SULT1C2: variants seen among roughly 807,000 people sequenced by gnomAD.
The protein encoded by SULT1C2 is sulfotransferase 1C2.
Under a neutral mutation model 36.0 loss-of-function variants are expected in SULT1C2, and 27 were observed. That is an observed-to-expected ratio of 0.75 (90% CI 0.55 to 1.03). The LOEUF (loss-of-function observed/expected upper bound fraction) is 1.03, where lower values mean the gene tolerates loss of function less well. Ranked by LOEUF, SULT1C2 falls within the 50% of genes least tolerant of loss-of-function variation. The pLI is 0.00. For missense variants in SULT1C2, 395 were observed against 359.2 expected, an observed-to-expected ratio of 1.10 and a Z score of -0.80; for synonymous variants, 121 against 116.0, an observed-to-expected ratio of 1.04 and a Z score of -0.27.
At chr2:108,301,594 T>TC (rs916904015) in intron 4 of SULT1C2, 2 of 152,240 alleles carry the variant, frequency 1.3e-5, no homozygotes, top group African/African-American at 4.8e-5. Context: ...AAAAAAGTTC[T>TC]CCCCAAAGGG....
intron 3 of SULT1C2, among the ~76,000 whole-genome samples, chr2:108,297,417 T>G (rs1053482043): frequency 6.6e-6 from 1 of 152,048 alleles, no homozygotes; most frequent in African/African-American, 2.4e-5. Flanking sequence ...TGGGGCTGTT[T>G]CTACAGTATT....
At chr2:108,298,793 G>T in intron 3 of SULT1C2, 1 of 208,170 alleles carries the variant, frequency 4.8e-6, no homozygotes, top group South Asian at 5.2e-5. Context: ...CTTGTTCATA[G>T]GGCTTTTCCC....
intron 7 of SULT1C2, among the ~76,000 whole-genome samples, chr2:108,305,885 C>G (rs946604935): frequency 6.6e-6 from 1 of 152,182 alleles, no homozygotes; most frequent in African/African-American, 2.4e-5. Context: ...ACATAGAAAA[C>G]TAGGAAGAGG....
chr2:108,298,571 A>C, intron 3 of SULT1C2: 1 of 254,424 alleles, frequency 3.9e-6, no homozygotes, highest in Non-Finnish European at 7.9e-6. Context: ...TTTTAGAGAC[A>C]GGATTTCACC....
chr2:108,305,574 A>C lies in SULT1C2; in HGVS notation c.757A>C (p.Ile253Leu). The C allele has an allele frequency of 3.7e-6, 6 of 1,614,124 alleles. No homozygotes were observed. Among genetic ancestry groups the C allele is most frequent in the Non-Finnish European group, 4.2e-6 (5 of 1,180,018 alleles). ...TVSKSILDQS[I>L]SSFMRKGTVG... ...TTCCAAATCTATCTTGGACCAGTCA[A>C]TTTCCTCCTTCATGAGAAAAGGTGT... The change falls in exon 7 of 8, where the codon ATT becomes CTT. Residue 253 changes from isoleucine (I) to leucine (L), a missense_variant. By Grantham distance (5) the Ile-to-Leu change is conservative (BLOSUM62 2). Transcript: ENST00000251481.
At chr2:108,296,726 T>C (rs1394708987) in intron 3 of SULT1C2, among the ~76,000 whole-genome samples, 1 of 152,180 alleles carries the variant, frequency 6.6e-6, no homozygotes, top group Non-Finnish European at 1.5e-5. Flanking sequence ...ACTGAGATTA[T>C]AGGCGTAAGC....
intron 7 of SULT1C2, among the ~76,000 whole-genome samples, chr2:108,307,171 C>G (rs931009344): frequency 6.6e-6 from 1 of 152,142 alleles, no homozygotes; most frequent in Non-Finnish European, 1.5e-5. Flanking sequence ...ACCAATGAAA[C>G]AAACCAAAAT....
chr2:108,297,723 T>G (rs1476274691), intron 3 of SULT1C2, among the ~76,000 whole-genome samples: 1 of 152,174 alleles, frequency 6.6e-6, no homozygotes, highest in Non-Finnish European at 1.5e-5. Context: ...GGGGGCAGAA[T>G]GTACAATGTA....
intron 4 of SULT1C2, chr2:108,302,425 T>C (rs1341463515): frequency 2.0e-5 from 3 of 152,218 alleles, no homozygotes; most frequent in East Asian, 1.9e-4. Context: ...GGGTTTGAGA[T>C]TGAAAATTGC....
rs1377259202 is a variant in SULT1C2 at position 108,304,684 on chromosome 2, C to T, written c.486C>T (p.Thr162=). 20 of 1,612,750 alleles carry T rather than the reference C, an allele frequency of 1.2e-5. No homozygotes were observed. Among genetic ancestry groups the T allele is most frequent in the Middle Eastern group, 1.6e-4 (1 of 6,074 alleles). ...GTACCTGGGAAGAGTATTTTGAAAC[C>T]TTCATCAATGGAAAAGGTACGGGAA... ...DPGTWEEYFE[T]FINGKVVWGS... The change falls in exon 5 of 8, where the codon ACC becomes ACT. Residue 162 remains threonine (T), a synonymous_variant. Transcript: ENST00000251481.
chr2:108,293,808 C>T lies in SULT1C2; in HGVS notation c.141C>T (p.Tyr47=), dbSNP rs1290699658. The T allele has an allele frequency of 3.7e-6, 6 of 1,613,806 alleles. No homozygotes were observed. The highest frequency in any genetic ancestry group is 1.7e-4 in the Middle Eastern group (1 of 6,014). ...AKPDDLLICT[Y]PKAGTTWIQE... ...CAGATGATCTCCTCATCTGCACCTA[C>T]CCTAAAGCAGGTGATTGCAGGGTAG... Residue 47 remains tyrosine (Y), a synonymous_variant, in exon 2 of 8, where the codon TAC becomes TAT. Transcript: ENST00000251481.
intron 4 of SULT1C2, chr2:108,304,340 C>T (rs1676965273): frequency 2.5e-6 from 1 of 399,978 alleles, no homozygotes; most frequent in Non-Finnish European, 4.4e-6. Flanking sequence ...ATCTAATCCT[C>T]ACCAATCCCT....
chr2:108,300,412 A>G, intron 3 of SULT1C2: 1 of 195,476 alleles, frequency 5.1e-6, no homozygotes, highest in Non-Finnish European at 1.0e-5. Flanking sequence ...CATGACTCAC[A>G]GGCCAGCAAG....
chr2:108,308,302 C>A (rs1025772396), intron 7 of SULT1C2, 50 bp from the exon 8 acceptor site: 10 of 1,539,132 alleles, frequency 6.5e-6, no homozygotes, highest in Admixed American at 1.9e-5. Context: ...CTCAGGGACA[C>A]CACATCTTTC....
chr2:108,308,142 G>A (rs1468226366), intron 7 of SULT1C2, among the ~76,000 whole-genome samples: 1 of 152,186 alleles, frequency 6.6e-6, no homozygotes, highest in Non-Finnish European at 1.5e-5. Flanking sequence ...CAGTTGTCCA[G>A]CTGACTTAGA....
At chr2:108,306,505 A>G (rs10182799) in intron 7 of SULT1C2, among the ~76,000 whole-genome samples, 111,805 of 152,124 alleles carry the variant, frequency 0.73, 41,939 homozygotes, top group East Asian at 0.93. Flanking sequence ...TCAGGAGGCT[A>G]AGGTGGGAGG....
At chr2:108,308,247 G>T in intron 7 of SULT1C2, 105 bp from the exon 8 acceptor site, 2 of 988,806 alleles carry the variant, frequency 2.0e-6, no homozygotes, top group Non-Finnish European at 3.0e-6. Flanking sequence ...GGGTGAGTCA[G>T]GTATGTGGAC....
chr2:108,293,428 G>A (rs1439345720), intron 1 of SULT1C2, among the ~76,000 whole-genome samples: 1 of 152,146 alleles, frequency 6.6e-6, no homozygotes, highest in Non-Finnish European at 1.5e-5. Context: ...GCCAGGAGCT[G>A]AGGGAGGGGG....
intron 3 of SULT1C2, 43 bp downstream of exon 3, chr2:108,294,397 T>C: frequency 6.3e-7 from 1 of 1,586,590 alleles, no homozygotes; most frequent in Non-Finnish European, 8.6e-7. Flanking sequence ...TTTCTTTCCC[T>C]CTCTCTTCTG....
Sources: allele counts gnomAD v4.1 joint callset (sites outside exome capture counted in the v4.1 genomes callset), GRCh38; gene constraint gnomAD v4.1.1; transcripts MANE v1.5; gene names NCBI Gene and HGNC (gene_info 2026-07-23, HGNC 2026-07-21).